The following PBX4 variants were observed in gnomAD, a reference collection of about 807,000 sequenced individuals.
PBX4 encodes PBX homeobox 4, also known as pre-B-cell leukemia transcription factor 4.
PBX4 carries 26 observed loss-of-function variants against 35.1 expected under a neutral mutation model. The ratio of observed to expected loss-of-function variants is 0.74; its 90% CI spans 0.54 to 1.03. PBX4 has a LOEUF of 1.03. Ranked by LOEUF, PBX4 falls within the 50% of genes least tolerant of loss-of-function variation. PBX4 has a pLI of 0.00. For synonymous variants in PBX4, 199 were observed against 204.2 expected (o/e 0.97, Z 0.22); for missense variants, 448 against 504.3 (o/e 0.89, Z 1.07).
chr19:19,610,607 C>T (rs1309056621), intron 1 of PBX4, among the ~76,000 whole-genome samples: 5 of 151,140 alleles, frequency 3.3e-5, no homozygotes, highest in Non-Finnish European at 7.4e-5. Flanking sequence ...GAAAATTAGC[C>T]GGGTGTGGTG....
chr19:19,580,035 ATC>A (rs1221823637), intron 2 of PBX4: 6 of 152,250 alleles, frequency 3.9e-5, no homozygotes, highest in African/African-American at 1.4e-4. Context: ...AGGCGGCCAA[ATC>A]TCTCTTTGAG....
At chr19:19,576,474 T>C (rs967474125) in intron 2 of PBX4, among the ~76,000 whole-genome samples, 17 of 152,138 alleles carry the variant, frequency 1.1e-4, no homozygotes, top group African/African-American at 4.1e-4. Context: ...TCCACGCACC[T>C]TGACCTCCCA....
intron 2 of PBX4, among the ~76,000 whole-genome samples, chr19:19,575,871 G>C (rs980135712): frequency 6.6e-6 from 1 of 152,102 alleles, no homozygotes; most frequent in African/African-American, 2.4e-5. Context: ...GTCATGTGTG[G>C]GCGGAGGATA....
intron 2 of PBX4, among the ~76,000 whole-genome samples, chr19:19,584,949 G>A (rs2061480006): frequency 6.6e-6 from 1 of 152,022 alleles, no homozygotes; most frequent in Non-Finnish European, 1.5e-5. Context: ...TGGTTTCCTG[G>A]GCATCATGGG....
At chr19:19,578,394 C>G (rs746029653) in intron 2 of PBX4, among the ~76,000 whole-genome samples, 28 of 152,140 alleles carry the variant, frequency 1.8e-4, no homozygotes, top group Non-Finnish European at 3.2e-4. Context: ...TACACTGATG[C>G]TGGCCTAATT....
At chr19:19,590,452 T>C (rs2061520438) in intron 2 of PBX4, among the ~76,000 whole-genome samples, 1 of 151,686 alleles carries the variant, frequency 6.6e-6, no homozygotes, top group South Asian at 2.1e-4. Context: ...ATGGACCACG[T>C]TTTGTTTTGT....
intron 1 of PBX4, among the ~76,000 whole-genome samples, chr19:19,601,468 T>C (rs1268732398): frequency 6.6e-6 from 1 of 152,170 alleles, no homozygotes; most frequent in Non-Finnish European, 1.5e-5. Flanking sequence ...GTTGGCAGGA[T>C]AATGGCTCCC....
chr19:19,604,132 T>C (rs2061614670), intron 1 of PBX4, among the ~76,000 whole-genome samples: 1 of 152,130 alleles, frequency 6.6e-6, no homozygotes, highest in Non-Finnish European at 1.5e-5. Context: ...AGCTGAATAA[T>C]GTATCTGAAA....
chr19:19,564,213 A>G lies in PBX4; in HGVS notation c.926-598T>C, dbSNP rs570695746. Among the ~76,000 whole-genome samples the G allele has an allele frequency of 3.6e-3, 509 of 141,552 alleles. 1 individual carries two copies. The highest frequency in any genetic ancestry group is 5.6e-3 in the Non-Finnish European group (371 of 66,108). 92.9% of individuals were successfully genotyped at this position (141,552 alleles called of 152,430 possible). A position where few individuals can be genotyped will look rare whatever the true frequency, so the allele number is the denominator to read the frequency against. On this transcript the variant is annotated intron_variant, in intron 6 of 7. Coordinates refer to ENST00000251203, the MANE Select transcript of PBX4 (RefSeq NM_025245.3). ...TGTGTCCATGTGTTCTCATTGTTCAATTCCCACCTATGAGTGAGAATATGC... is the reference window on the plus strand; with the variant it reads ...TGTGTCCATGTGTTCTCATTGTTCAGTTCCCACCTATGAGTGAGAATATGC...
At chr19:19,611,943 C>A (rs900754083) in intron 1 of PBX4, among the ~76,000 whole-genome samples, 1 of 151,866 alleles carries the variant, frequency 6.6e-6, no homozygotes, top group Non-Finnish European at 1.5e-5. Flanking sequence ...TCAAAACCAG[C>A]CTGGGCAACA....
At chr19:19,592,342 C>T (rs1444655996) in intron 2 of PBX4, among the ~76,000 whole-genome samples, 2 of 152,196 alleles carry the variant, frequency 1.3e-5, no homozygotes, top group Non-Finnish European at 1.5e-5. Flanking sequence ...CTCCTCTAGA[C>T]ACCGAGGAGG....
intron 2 of PBX4, among the ~76,000 whole-genome samples, chr19:19,577,375 C>T (rs1286381808): frequency 2.0e-5 from 3 of 152,240 alleles, no homozygotes; most frequent in Non-Finnish European, 2.9e-5. Context: ...ATTTATCCTA[C>T]AGGGGTACTG....
At chr19:19,575,918 G>C (rs1455338578) in intron 2 of PBX4, among the ~76,000 whole-genome samples, 1 of 152,212 alleles carries the variant, frequency 6.6e-6, no homozygotes, top group Non-Finnish European at 1.5e-5. Context: ...ACCCCAGCAT[G>C]CTCTGACAGC....
chr19:19,608,240 G>C (rs1183604306), intron 1 of PBX4: 1 of 152,010 alleles, frequency 6.6e-6, no homozygotes, highest in East Asian at 1.9e-4. Flanking sequence ...TGTAATCCCA[G>C]CTACTCAGGA....
chr19:19,597,801 G>A (rs1248144697), intron 2 of PBX4, among the ~76,000 whole-genome samples: 2 of 152,146 alleles, frequency 1.3e-5, no homozygotes, highest in African/African-American at 4.8e-5. Flanking sequence ...CTTTCAAATT[G>A]TTATTAACCT....
chr19:19,573,340 C>T (rs866408617), intron 2 of PBX4, among the ~76,000 whole-genome samples: 18 of 142,508 alleles, frequency 1.3e-4, no homozygotes, highest in East Asian at 5.9e-4. Flanking sequence ...TACACACACA[C>T]ACACACACAC....
intron 6 of PBX4, 185 bp downstream of exon 6, chr19:19,564,748 A>C: frequency 1.4e-6 from 1 of 710,532 alleles, no homozygotes; most frequent in East Asian, 2.7e-5. Flanking sequence ...CCCAAAGCAC[A>C]GGTATCTGTT....
In PBX4 at chr19:19,569,432, G is replaced by A. The variant is rs144511905; in HGVS notation, c.768+17C>T. The A allele has an allele frequency of 8.5e-3, 13,720 of 1,605,502 alleles. 88 individuals carry two copies. The highest frequency in any genetic ancestry group is 0.011 in the South Asian group (1,024 of 89,886). On this transcript the variant is annotated intron_variant, in intron 5 of 7. Coordinates refer to ENST00000251203, the MANE Select transcript of PBX4 (RefSeq NM_025245.3). ...CTCCTCCCAGGCGTGGCGAGACGTG[G>A]CAGGAGAGAACGTCACCTGGGAGAT... is the stretch of plus-strand genomic sequence containing the variant.
Position 19,563,469 on chromosome 19 carries a change from C to T in PBX4, c.1032+40G>A, listed in dbSNP as rs1453464466. 6.9e-7 allele frequency: 1 copy of T among 1,453,548 alleles called. No homozygotes were observed. The highest frequency in any genetic ancestry group is 1.4e-5 in the African/African-American group (1 of 70,452). 90.0% of individuals were successfully genotyped at this position (1,453,548 alleles called of 1,614,324 possible). ...CAAGACGACCCTTTCTGAGAACCTA[C>T]CACCCACCTGGGCGCTGTGGGACAG... On this transcript the variant is annotated intron_variant, in intron 7 of 7. Coordinates refer to ENST00000251203, the MANE Select transcript of PBX4 (RefSeq NM_025245.3). This position sits in a 1 kb window ranked among gnomAD's most constrained non-coding sequence, Gnocchi z 5.1.
Sources: gnomAD v4.1 joint callset for allele counts (sites outside exome capture counted in the v4.1 genomes callset) on GRCh38, gnomAD v4.1.1 for gene constraint, Gnocchi (gnomAD v3.1) non-coding constraint, MANE v1.5 for transcripts, NCBI Gene and HGNC (gene_info 2026-07-23, HGNC 2026-07-21) for gene names.